P2RX4: variants seen among roughly 807,000 people sequenced by gnomAD.
The protein encoded by P2RX4 is purinergic receptor P2X 4, also known as P2X purinoceptor 4.
Under a neutral mutation model 48.0 loss-of-function variants are expected in P2RX4, and 37 were observed. The observed-to-expected ratio is 0.77, with a 90% CI of 0.59 to 1.01. P2RX4 has a LOEUF of 1.01. P2RX4 is among the 50% of genes least tolerant of loss of function. The pLI is 0.00. For missense variants in P2RX4, 501 were observed against 521.4 expected (o/e 0.96, Z 0.38); for synonymous variants, 200 against 199.7 (o/e 1.00, Z -0.01).
chr12:121,221,625 C>A (rs60321717), intron 2 of P2RX4, among the ~76,000 whole-genome samples: 2 of 149,778 alleles, frequency 1.3e-5, no homozygotes, highest in Non-Finnish European at 3.0e-5. Context: ...GAACTCCTGA[C>A]CTCGTGATCC....
At chr12:121,214,201 CA>C (rs1041813359) in intron 1 of P2RX4, 27 of 145,326 alleles carry the variant, frequency 1.9e-4, no homozygotes, top group Non-Finnish European at 2.1e-4. Context: ...GAGCCTGTCT[CA>C]AAAAAAAAAA....
At chr12:121,223,712 C>G (rs924118490) in intron 5 of P2RX4, among the ~76,000 whole-genome samples, 1 of 152,066 alleles carries the variant, frequency 6.6e-6, no homozygotes, top group Non-Finnish European at 1.5e-5. Context: ...GCGTGCACAG[C>G]GGGGGGGCAG....
chr12:121,224,379 G>A (rs11065496), intron 5 of P2RX4, among the ~76,000 whole-genome samples: 14,900 of 152,126 alleles, frequency 0.098, 1,041 homozygotes, highest in Non-Finnish European at 0.14. Context: ...TGAGGCAGTC[G>A]GATCATCTGA....
chr12:121,222,035 G>C, intron 3 of P2RX4, 51 bp downstream of exon 3: 1 of 1,599,360 alleles, frequency 6.3e-7, no homozygotes, highest in Non-Finnish European at 8.6e-7. Context: ...CTCCACGCCT[G>C]TCCACCTGTG....
Position 121,223,888 on chromosome 12 carries a change from CAG to C in P2RX4, c.524+848_524+849del, listed in dbSNP as rs149074949. Among the ~76,000 whole-genome samples the C allele has an allele frequency of 6.0e-3, 913 of 152,220 alleles. 8 individuals are homozygous for C. The highest frequency in any genetic ancestry group is 0.021 in the African/African-American group (867 of 41,522). ...GGCCACTGCACTCCTGCCTGGGCGACAGAGTGAGAGACAAAGGACAACACCCT... is the reference window on the plus strand; with the variant it reads ...GGCCACTGCACTCCTGCCTGGGCGACAGTGAGAGACAAAGGACAACACCCT... On this transcript the variant is annotated intron_variant, in intron 5 of 11. Transcript: ENST00000337233.
At chr12:121,214,894 C>T (rs1435841523) in intron 1 of P2RX4, 1 of 152,140 alleles carries the variant, frequency 6.6e-6, no homozygotes, top group African/African-American at 2.4e-5. Flanking sequence ...AAGTGATTCT[C>T]CTGCCTCAGC....
chr12:121,225,104 G>A (rs1358282085), intron 5 of P2RX4, among the ~76,000 whole-genome samples: 2 of 141,458 alleles, frequency 1.4e-5, no homozygotes, highest in African/African-American at 5.2e-5. Flanking sequence ...ACGAAGTCTC[G>A]CTCTGTCGCC....
chr12:121,228,399 TATATATAC>T (rs1887119770), intron 5 of P2RX4, 126 bp from the exon 6 acceptor site: 2 of 215,024 alleles, frequency 9.3e-6, no homozygotes, highest in African/African-American at 4.8e-5. Context: ...TATATATATA[TATATATAC>T]ACACACACAC....
At chr12:121,230,585 C>A (rs1887279014) in intron 8 of P2RX4, among the ~76,000 whole-genome samples, 1 of 152,224 alleles carries the variant, frequency 6.6e-6, no homozygotes, top group South Asian at 2.1e-4. Flanking sequence ...TCTTTTCTAG[C>A]AGTTAGATTT....
intron 5 of P2RX4, among the ~76,000 whole-genome samples, chr12:121,223,981 G>C (rs559581660): frequency 6.6e-6 from 1 of 152,190 alleles, no homozygotes; most frequent in Non-Finnish European, 1.5e-5. Context: ...AGCATAGCCC[G>C]GGAGGCAGCG....
Position 121,232,382 on chromosome 12 carries a change from A to C in P2RX4, c.885-32A>C. ...CAGGGCCCAAGGTCCTGCCCCAGCCATCTCCCCCTGATCCATCCTCCTTCC... is the reference window on the plus strand; with the variant it reads ...CAGGGCCCAAGGTCCTGCCCCAGCCCTCTCCCCCTGATCCATCCTCCTTCC... On this transcript the variant is annotated intron_variant, in intron 8 of 11. Transcript: ENST00000337233. The surrounding 1 kb of genome is among the most constrained non-coding windows in gnomAD (Gnocchi z 4.3). The C allele has an allele frequency of 6.7e-7, 1 of 1,488,640 alleles. No homozygotes were observed. Among genetic ancestry groups the C allele is most frequent in the Non-Finnish European group, 9.4e-7 (1 of 1,069,348 alleles). 92.2% of individuals were successfully genotyped at this position (1,488,640 alleles called of 1,614,324 possible).
intron 8 of P2RX4, among the ~76,000 whole-genome samples, chr12:121,230,959 ATATATAGCCAT>A (rs1348303992): frequency 7.7e-5 from 11 of 143,212 alleles, no homozygotes; most frequent in South Asian, 4.4e-4. Flanking sequence ...TAGCCATTAT[ATATATAGCCAT>A]TATATATATA....
At chr12:121,210,388 G>T in intron 1 of P2RX4, 90 bp downstream of exon 1, 1 of 1,256,372 alleles carries the variant, frequency 8.0e-7, no homozygotes, top group Non-Finnish European at 1.0e-6. Context: ...TCACCTGGGC[G>T]AGTCCGGGAG....
At chr12:121,223,263 A>G (rs936654013) in intron 5 of P2RX4, 13 of 493,058 alleles carry the variant, frequency 2.6e-5, no homozygotes, top group Non-Finnish European at 4.8e-5. Context: ...TTTAGTAGAG[A>G]CGGGGTTTTG....
intron 4 of P2RX4, chr12:121,222,417 T>C (rs1886690151): frequency 1.9e-6 from 1 of 530,904 alleles, no homozygotes; most frequent in Non-Finnish European, 3.3e-6. Context: ...TTTGTTTTGT[T>C]TTTTTGTTTT....
rs1341119480 is a variant in P2RX4, at chr12:121,219,615, G to GGATGGATGGATA, written c.283-2295_283-2294insGGATGGATAGAT. On this transcript the variant is annotated intron_variant, in intron 2 of 11. Coordinates refer to ENST00000337233, the MANE Select transcript of P2RX4 (RefSeq NM_002560.3). ...TGGATGGATGGATGGATGGATGGAT[G>GGATGGATGGATA]GATAGATAGATAGATAGATAGATAG... Among the ~76,000 whole-genome samples, 210 of 140,624 alleles carry GGATGGATGGATA rather than the reference G, an allele frequency of 1.5e-3. 2 individuals carry two copies. Among genetic ancestry groups the GGATGGATGGATA allele is most frequent in the Middle Eastern group, 7.2e-3 (2 of 278 alleles). 92.3% of individuals were successfully genotyped at this position (140,624 alleles called of 152,430 possible).
At chr12:121,218,341 G>C (rs1314881990) in intron 2 of P2RX4, among the ~76,000 whole-genome samples, 1 of 152,104 alleles carries the variant, frequency 6.6e-6, no homozygotes, top group East Asian at 1.9e-4. Flanking sequence ...AAAATTAGTG[G>C]GGTGTGGTGG....
chr12:121,230,882 GCT>G (rs927464405), intron 8 of P2RX4, among the ~76,000 whole-genome samples: 8 of 151,534 alleles, frequency 5.3e-5, no homozygotes, highest in East Asian at 1.9e-4. Context: ...ATGCGTGTGC[GCT>G]CTCTCGCGTG....
At chr12:121,216,731 A>G in intron 1 of P2RX4, 2 of 475,706 alleles carry the variant, frequency 4.2e-6, no homozygotes, top group Non-Finnish European at 7.7e-6. Flanking sequence ...GAGGCAGGAG[A>G]ATTGCCTGAA....
Sources: gnomAD v4.1 joint callset for allele counts (sites outside exome capture counted in the v4.1 genomes callset) on GRCh38, gnomAD v4.1.1 for gene constraint, Gnocchi (gnomAD v3.1) non-coding constraint, MANE v1.5 for transcripts, NCBI Gene and HGNC (gene_info 2026-07-23, HGNC 2026-07-21) for gene names.